Variants in GPC5 observed in about 807,000 individuals in gnomAD.
GPC5 encodes glypican-5.
Under a neutral mutation model 53.9 loss-of-function variants are expected in GPC5, and 47 were observed. That is an observed-to-expected ratio of 0.87 (90% confidence interval 0.69 to 1.11). GPC5 has a LOEUF of 1.11. Ranked by LOEUF, GPC5 falls within the 50% of genes most tolerant of loss-of-function variation. The pLI is 0.00. For missense variants in GPC5, 748 were observed against 713.1 expected (o/e 1.05, Z -0.56); for synonymous variants, 286 against 263.3 (o/e 1.09, Z -0.84).
At chr13:91,646,714 G>T (rs2034566056) in intron 2 of GPC5, among the ~76,000 whole-genome samples, 1 of 152,070 alleles carries the variant, frequency 6.6e-6, no homozygotes, top group African/African-American at 2.4e-5. Context: ...TATGCTTCTG[G>T]TATAGCATAT....
chr13:92,795,969 C>G (rs999933530), intron 7 of GPC5, among the ~76,000 whole-genome samples: 2 of 152,054 alleles, frequency 1.3e-5, no homozygotes, highest in African/African-American at 4.8e-5. Context: ...CCTCAAGCAT[C>G]TAGAACTACA....
intron 5 of GPC5, among the ~76,000 whole-genome samples, chr13:91,757,975 C>T (rs893034361): frequency 1.3e-5 from 2 of 152,038 alleles, no homozygotes; most frequent in Non-Finnish European, 2.9e-5. Context: ...TTAAAAGCTA[C>T]ATTCCTGAAA....
chr13:91,815,313 G>A (rs1341846574), intron 5 of GPC5, among the ~76,000 whole-genome samples: 1 of 152,108 alleles, frequency 6.6e-6, no homozygotes, highest in African/African-American at 2.4e-5. Flanking sequence ...AGACTACAAT[G>A]AGCCATGATT....
intron 7 of GPC5, among the ~76,000 whole-genome samples, chr13:92,385,437 C>CAT (rs796970443): frequency 0.21 from 13,087 of 62,820 alleles, 2,662 homozygotes; most frequent in Non-Finnish European, 0.27. Context: ...TACATATATA[C>CAT]ATATATACAT....
At chr13:91,776,350 T>A (rs929839747) in intron 5 of GPC5, among the ~76,000 whole-genome samples, 2 of 152,126 alleles carry the variant, frequency 1.3e-5, no homozygotes, top group Admixed American at 6.6e-5. Flanking sequence ...GGAAATTAAG[T>A]TAATGTGGCT....
At chr13:91,615,791 A>C (rs1224380494) in intron 2 of GPC5, among the ~76,000 whole-genome samples, 2 of 152,166 alleles carry the variant, frequency 1.3e-5, no homozygotes, top group East Asian at 1.9e-4. Flanking sequence ...TAAATCAATA[A>C]GTTTTGAGAA....
intron 7 of GPC5, among the ~76,000 whole-genome samples, chr13:92,609,829 G>A (rs1243318622): frequency 1.3e-5 from 2 of 151,928 alleles, no homozygotes; most frequent in African/African-American, 4.8e-5. Context: ...TCAGGAGTTC[G>A]AGATCAGTCT....
intron 6 of GPC5, among the ~76,000 whole-genome samples, chr13:92,024,942 G>A (rs1391541063): frequency 1.3e-5 from 2 of 152,076 alleles, no homozygotes; most frequent in African/African-American, 4.8e-5. Context: ...TTAAATTTGT[G>A]AGTAGAGTTG....
intron 5 of GPC5, among the ~76,000 whole-genome samples, chr13:91,865,657 G>A (rs1054352620): frequency 2.0e-5 from 3 of 152,082 alleles, no homozygotes; most frequent in African/African-American, 4.8e-5. Flanking sequence ...TGGCAGAAAC[G>A]TCAGATAATA....
At chr13:92,388,709 G>A (rs552240528) in intron 7 of GPC5, among the ~76,000 whole-genome samples, 3 of 152,034 alleles carry the variant, frequency 2.0e-5, no homozygotes, top group Non-Finnish European at 2.9e-5. Context: ...TCTTTGCTGT[G>A]GATTGGTTAT....
At chr13:92,353,266 C>CAAAAA (rs563794696) in intron 7 of GPC5, among the ~76,000 whole-genome samples, 54 of 66,802 alleles carry the variant, frequency 8.1e-4, no homozygotes, top group South Asian at 1.1e-3. Flanking sequence ...GACTCCGTCT[C>CAAAAA]AAAAAAAAAA....
At chr13:91,682,112 C>T (rs188465462) in intron 2 of GPC5, among the ~76,000 whole-genome samples, 19 of 152,240 alleles carry the variant, frequency 1.2e-4, no homozygotes, top group African/African-American at 4.6e-4. Flanking sequence ...TCTGTATAAA[C>T]CTTGATCAAA....
intron 6 of GPC5, among the ~76,000 whole-genome samples, chr13:91,958,291 G>A (rs1336500097): frequency 7.0e-6 from 1 of 143,798 alleles, no homozygotes; most frequent in South Asian, 2.3e-4. Context: ...AAAAAAAAAA[G>A]GTCATTATAT....
chr13:91,614,333 C>T (rs751206906), intron 2 of GPC5, among the ~76,000 whole-genome samples: 1 of 152,010 alleles, frequency 6.6e-6, no homozygotes, highest in Non-Finnish European at 1.5e-5. Flanking sequence ...TTCCAATTTC[C>T]TTTTTTATTT....
At chr13:91,566,758 A>G (rs1356030818) in intron 2 of GPC5, among the ~76,000 whole-genome samples, 1 of 152,152 alleles carries the variant, frequency 6.6e-6, no homozygotes, top group Non-Finnish European at 1.5e-5. Context: ...CACTTTAGTA[A>G]AAGGAAAAGC....
intron 6 of GPC5, among the ~76,000 whole-genome samples, chr13:91,959,294 A>G (rs916765643): frequency 4.6e-5 from 7 of 151,952 alleles, no homozygotes; most frequent in African/African-American, 1.7e-4. Context: ...CACAAACAGG[A>G]AAACCTAGAA....
At chr13:91,417,081 A>G (rs1878291851) in intron 1 of GPC5, among the ~76,000 whole-genome samples, 1 of 152,100 alleles carries the variant, frequency 6.6e-6, no homozygotes, top group African/African-American at 2.4e-5. Context: ...GGGGGGGAGT[A>G]TTTAGAAGGC....
intron 1 of GPC5, among the ~76,000 whole-genome samples, chr13:91,438,815 G>A (rs1038185031): frequency 2.6e-5 from 4 of 152,218 alleles, no homozygotes; most frequent in African/African-American, 7.2e-5. Flanking sequence ...CACCCAGTTC[G>A]AGCTTCCCAG....
intron 6 of GPC5, among the ~76,000 whole-genome samples, chr13:92,041,658 C>T (rs1399856551): frequency 6.6e-6 from 1 of 152,104 alleles, no homozygotes; most frequent in Non-Finnish European, 1.5e-5. Context: ...GGATTAATAC[C>T]ATAAGTCTAA....
Sources: allele counts gnomAD v4.1 joint callset (sites outside exome capture counted in the v4.1 genomes callset), GRCh38; gene constraint gnomAD v4.1.1; transcripts MANE v1.5; gene names NCBI Gene and HGNC (gene_info 2026-07-23, HGNC 2026-07-21).